SEC61A1: variants seen among roughly 807,000 people sequenced by gnomAD.
SEC61A1 encodes protein transport protein Sec61 subunit alpha isoform 1.
A neutral mutation model predicts 55.2 loss-of-function variants in SEC61A1; 15 were observed. That is an observed-to-expected ratio of 0.27 (90% confidence interval 0.18 to 0.42). The LOEUF (loss-of-function observed/expected upper bound fraction) is 0.42. Ranked by LOEUF, SEC61A1 falls within the 10% of genes least tolerant of loss-of-function variation. The pLI is 1.00. For missense variants in SEC61A1, 284 were observed against 602.6 expected (o/e 0.47, Z 5.53); for synonymous variants, 247 against 234.0 (o/e 1.06, Z -0.51).
intron 5 of SEC61A1, among the ~76,000 whole-genome samples, chr3:128,058,819 G>C (rs1467084753): frequency 6.6e-6 from 1 of 151,964 alleles, no homozygotes; most frequent in East Asian, 2.0e-4. Flanking sequence ...GTGCACCACT[G>C]CACTCCTGCC....
At chr3:128,051,843 T>C, upstream of SEC61A1, 1 of 1,535,750 alleles carries the variant, frequency 6.5e-7, no homozygotes, top group East Asian at 2.4e-5. Flanking sequence ...CGTTCTCAGA[T>C]GGAAGGGGAC....
chr3:128,064,906 C>G lies in SEC61A1; in HGVS notation c.646C>G (p.Leu216Val), dbSNP rs1354357334. The change falls in exon 8 of 12, where the codon CTT becomes GTT. Residue 216 changes from leucine to valine, a missense_variant. By Grantham distance (32) the Leu-to-Val change is conservative. Coordinates refer to ENST00000243253, the MANE Select transcript of SEC61A1 (RefSeq NM_013336.4). ...GGAATTTGAAGGTGCTATCATCGCA[C>G]TTTTCCATCTGCTGGCCACACGCAC... ...GMEFEGAIIA[L>V]FHLLATRTDK... 27 of 1,612,202 alleles carry G rather than the reference C, an allele frequency of 1.7e-5. No individual in the cohort carries two copies. The highest frequency in any genetic ancestry group is 2.2e-5 in the Non-Finnish European group (26 of 1,178,850).
chr3:128,052,047 G>T (rs1941682792), upstream of SEC61A1: 3 of 731,850 alleles, frequency 4.1e-6, no homozygotes, highest in Non-Finnish European at 7.0e-6. Flanking sequence ...AAAGAGCAGT[G>T]AGTGCTGTTA....
At chr3:128,065,406 T>G (rs889525490) in intron 8 of SEC61A1, 2 of 544,726 alleles carry the variant, frequency 3.7e-6, no homozygotes, top group African/African-American at 3.8e-5. Flanking sequence ...AGGTAACTTC[T>G]GCATCTCGGA....
intron 2 of SEC61A1, among the ~76,000 whole-genome samples, chr3:128,053,495 G>T (rs1280003555): frequency 6.6e-6 from 1 of 152,204 alleles, no homozygotes; most frequent in African/African-American, 2.4e-5. Flanking sequence ...TGTTGCCAGT[G>T]TAACTACAGC....
intron 1 of SEC61A1, 67 bp downstream of exon 1, chr3:128,052,626 G>T: frequency 6.4e-7 from 1 of 1,556,846 alleles, no homozygotes; most frequent in Non-Finnish European, 8.7e-7. Flanking sequence ...ACACCCGTGC[G>T]GTCGGGCGCC....
Position 128,065,367 on chromosome 3 carries a change from C to G in SEC61A1, c.777+330C>G, listed in dbSNP as rs1941934930. 5.2e-6 allele frequency: 3 copies of G among 576,458 alleles called. No individual in the cohort carries two copies. In the South Asian group the frequency reaches 6.8e-5, roughly 13 times the overall value. The allele number at this position is 576,458 out of a possible 1,614,324, so 35.7% of individuals were successfully genotyped here. A position where few individuals can be genotyped will look rare whatever the true frequency, so the allele number is the denominator to read the frequency against. ...ACTCTAGCTCTGAAACCTCATTGCT[C>G]TCTTATAGAAAGTTTGTATGATATT... On this transcript the variant is annotated intron_variant, in intron 8 of 11. Transcript: ENST00000243253.
intron 2 of SEC61A1, among the ~76,000 whole-genome samples, chr3:128,054,085 TA>T: frequency 6.6e-6 from 1 of 152,088 alleles, no homozygotes; most frequent in East Asian, 1.9e-4. Context: ...AGGAGATGAA[TA>T]ACAAGGGCCA....
chr3:128,067,881 T>C lies in SEC61A1; in HGVS notation c.1168-102T>C. 1 of 901,446 alleles carries C rather than the reference T, an allele frequency of 1.1e-6. No homozygotes were observed. The highest frequency in any genetic ancestry group is 2.2e-4 in the Middle Eastern group (1 of 4,524). The allele number at this position is 901,446 out of a possible 1,614,324, so 55.8% of individuals were successfully genotyped here. On this transcript the variant is annotated intron_variant, in intron 10 of 11. Transcript: ENST00000243253. The surrounding 1 kb of genome is among the most constrained non-coding windows in gnomAD (Gnocchi z 4.1). ...TTTAAAGTTCTCTGTATGAATATTG[T>C]CAGTGCTCGAAGAGGCGATCTGTAA... is the stretch of plus-strand genomic sequence containing the variant.
chr3:128,069,753 C>CT lies in SEC61A1; in HGVS notation c.*95dup, dbSNP rs1942100931. On this transcript the variant is annotated 3_prime_UTR_variant, in exon 12 of 12. Coordinates refer to ENST00000243253, the MANE Select transcript of SEC61A1 (RefSeq NM_013336.4). ...GGCGCGTGCTGCTGCGGCATATGGA[C>CT]TTTTAATAATGTTTTTGAATTTCGT... 9.8e-7 allele frequency: 1 copy of CT among 1,019,728 alleles called. No individual in the cohort carries two copies. The highest frequency in any genetic ancestry group is 1.5e-6 in the Non-Finnish European group (1 of 680,768). 63.2% of individuals were successfully genotyped at this position (1,019,728 alleles called of 1,614,324 possible).
chr3:128,063,705 T>C (rs963825142), intron 7 of SEC61A1, among the ~76,000 whole-genome samples: 1 of 152,186 alleles, frequency 6.6e-6, no homozygotes, highest in Non-Finnish European at 1.5e-5. Flanking sequence ...ACAGAGACCC[T>C]GTCTCTGGAA....
upstream of SEC61A1, chr3:128,052,388 C>G: frequency 2.5e-6 from 3 of 1,181,102 alleles, no homozygotes; most frequent in Non-Finnish European, 3.2e-6. Context: ...AGGCCCGGCC[C>G]CGGCCCCGCC....
At chr3:128,065,828 G>A (rs914636073) in intron 8 of SEC61A1, among the ~76,000 whole-genome samples, 44 of 132,418 alleles carry the variant, frequency 3.3e-4, no homozygotes, top group African/African-American at 4.6e-4. Context: ...TGCAACCTCC[G>A]CCTCCCAGGT....
chr3:128,069,685 G>A lies in SEC61A1; in HGVS notation c.*23G>A. The A allele has an allele frequency of 6.2e-7, 1 of 1,609,788 alleles. No homozygotes were observed. Among genetic ancestry groups the A allele is most frequent in the Non-Finnish European group, 8.5e-7 (1 of 1,176,662 alleles). On this transcript the variant is annotated 3_prime_UTR_variant, in exon 12 of 12. Coordinates refer to ENST00000243253, the MANE Select transcript of SEC61A1 (RefSeq NM_013336.4). ...TGAGCCCGTCTCCCGGACAGGTTGAGGAAGCTGCTCCAGAAGCGCCTCGGA... is the reference window on the plus strand; with the variant it reads ...TGAGCCCGTCTCCCGGACAGGTTGAAGAAGCTGCTCCAGAAGCGCCTCGGA...
At chr3:128,063,205 A>G (rs1251097973) in intron 7 of SEC61A1, among the ~76,000 whole-genome samples, 2 of 152,332 alleles carry the variant, frequency 1.3e-5, no homozygotes, top group African/African-American at 4.8e-5. Flanking sequence ...AAGGGAATGG[A>G]CACATTTGAC....
At position 128,070,826 on chromosome 3, in the gene SEC61A1, G is replaced by C. The variant is rs1345044984; in HGVS notation, c.*1164G>C. ...GAATAAGTTCTGTTTGTGCTGACAG[G>C]TGGCCTAGGTCCTGGAGATGAGCAC... is the stretch of plus-strand genomic sequence containing the variant. On this transcript the variant is annotated 3_prime_UTR_variant, in exon 12 of 12. Coordinates refer to ENST00000243253, the MANE Select transcript of SEC61A1 (RefSeq NM_013336.4). 6.6e-6 allele frequency: 1 copy of C among 152,424 alleles called. No homozygotes were observed. The highest frequency in any genetic ancestry group is 1.5e-5 in the Non-Finnish European group (1 of 68,184). 9.4% of individuals were successfully genotyped at this position (152,424 alleles called of 1,614,324 possible).
At chr3:128,059,617 C>T (rs926986379) in intron 5 of SEC61A1, among the ~76,000 whole-genome samples, 2 of 152,120 alleles carry the variant, frequency 1.3e-5, no homozygotes, top group Non-Finnish European at 2.9e-5. Flanking sequence ...TACCCCAGAG[C>T]TAATAATTCT....
At chr3:128,059,991 C>T (rs1428670723) in intron 5 of SEC61A1, 111 bp from the exon 6 acceptor site, 3 of 751,282 alleles carry the variant, frequency 4.0e-6, no homozygotes, top group Non-Finnish European at 6.9e-6. Context: ...AGTATCACTG[C>T]TCTTCATCTT....
rs1941700629 is a variant in SEC61A1 at position 128,052,508 on chromosome 3, C to T, written c.-45C>T. The T allele has an allele frequency of 6.3e-7, 1 of 1,585,646 alleles. No individual in the cohort carries two copies. The highest frequency in any genetic ancestry group is 8.6e-7 in the Non-Finnish European group (1 of 1,167,026). On this transcript the variant is annotated 5_prime_UTR_variant, in exon 1 of 12. Transcript: ENST00000243253. The stretch of plus-strand genomic sequence containing the variant: ...GCGGGCAGCGTCGCCTCACGCGGAG[C>T]AGAGCTGAGCTGAAGCGGGACCCGG...
Sources: gnomAD v4.1 joint callset for allele counts (sites outside exome capture counted in the v4.1 genomes callset) on GRCh38, gnomAD v4.1.1 for gene constraint, Gnocchi (gnomAD v3.1) non-coding constraint, MANE v1.5 for transcripts, NCBI Gene and HGNC (gene_info 2026-07-23, HGNC 2026-07-21) for gene names.